The following DAP3 variants were observed in gnomAD, a reference collection of about 807,000 sequenced individuals.
DAP3 encodes small ribosomal subunit protein mS29.
Under a neutral mutation model 51.9 loss-of-function variants are expected in DAP3, and 28 were observed. The ratio of observed to expected loss-of-function variants is 0.54; its 90% CI spans 0.40 to 0.74. DAP3 has a LOEUF of 0.74. Among genes scored for constraint, DAP3 ranks in the 30% least tolerant of loss-of-function variants. DAP3 has a pLI of 0.00. For synonymous variants in DAP3, 170 were observed against 170.3 expected (o/e 1.00, Z 0.01); for missense variants, 458 against 483.5 (o/e 0.95, Z 0.49).
chr1:155,727,203 G>A (rs1658701866), intron 6 of DAP3, among the ~76,000 whole-genome samples: 1 of 152,020 alleles, frequency 6.6e-6, no homozygotes, highest in Admixed American at 6.6e-5. Flanking sequence ...AAACAACCCT[G>A]CTTATGTAAC....
intron 2 of DAP3, among the ~76,000 whole-genome samples, chr1:155,715,934 CA>C (rs967730960): frequency 6.6e-6 from 1 of 152,116 alleles, no homozygotes; most frequent in Non-Finnish European, 1.5e-5. Flanking sequence ...GCACAATTAG[CA>C]GGAAAATTGT....
At chr1:155,702,121 A>G (rs1655356799) in intron 1 of DAP3, among the ~76,000 whole-genome samples, 1 of 149,646 alleles carries the variant, frequency 6.7e-6, no homozygotes. Flanking sequence ...AAAAAAAAAA[A>G]TTAAAAATTA....
At chr1:155,725,691 C>T (rs145734270) in intron 5 of DAP3, among the ~76,000 whole-genome samples, 41 of 152,220 alleles carry the variant, frequency 2.7e-4, no homozygotes, top group African/African-American at 5.5e-4. Flanking sequence ...GGCGAAACCC[C>T]GCATTTACTA....
At position 155,721,380 on chromosome 1, in the gene DAP3, GTATATATATATGTATGTATGTA is replaced by G. The variant is rs1657989105; in HGVS notation, c.169-125_169-104del. 1.8e-5 allele frequency: 7 copies of G among 393,302 alleles called. No individual in the cohort carries two copies. The South Asian group carries it at 4.3e-4, about 24-fold the overall frequency. 24.4% of individuals were successfully genotyped at this position (393,302 alleles called of 1,614,324 possible). A position where few individuals can be genotyped will look rare whatever the true frequency, so the allele number is the denominator to read the frequency against. ...TGTGTATATATATATGTATGTATGT[GTATATATATATGTATGTATGTA>G]TATATATATATATATACACATAGAC... On this transcript the variant is annotated intron_variant, in intron 3 of 12. Transcript: ENST00000368336.
chr1:155,712,900 G>A (rs1035386824), intron 2 of DAP3, among the ~76,000 whole-genome samples: 10 of 152,068 alleles, frequency 6.6e-5, no homozygotes, highest in African/African-American at 2.2e-4. Context: ...CTTTCTCTCC[G>A]GTAGATAAAA....
At position 155,729,083 on chromosome 1, in the gene DAP3, C is replaced by G; in HGVS notation, c.645C>G (p.Ser215Arg). 1 of 1,614,018 alleles carries G rather than the reference C, an allele frequency of 6.2e-7. No individual in the cohort carries two copies. The highest frequency in any genetic ancestry group is 8.5e-7 in the Non-Finnish European group (1 of 1,180,020). ...QEKYVWNKRE[S>R]TEKGSPLGEV... ...AGTATGTCTGGAATAAGAGAGAAAG[C>G]ACTGAGAAAGGGAGTCCTCTGGGAG... The change falls in exon 8 of 13, where the codon AGC becomes AGG. Residue 215 changes from serine to arginine, a missense_variant. Physicochemically the swap from Ser to Arg is moderately radical, Grantham distance 110 (BLOSUM62 -1). Coordinates refer to ENST00000368336, the MANE Select transcript of DAP3 (RefSeq NM_004632.4).
chr1:155,709,922 T>C, intron 2 of DAP3, 98 bp downstream of exon 2: 1 of 1,178,558 alleles, frequency 8.5e-7, no homozygotes, highest in Non-Finnish European at 1.2e-6. Context: ...TGAAATGCTC[T>C]GGAAAACTTC....
chr1:155,722,338 T>G (rs999435822), intron 4 of DAP3, among the ~76,000 whole-genome samples: 7 of 152,000 alleles, frequency 4.6e-5, no homozygotes, highest in Non-Finnish European at 7.4e-5. Context: ...GCTCAGGAGG[T>G]GAGGGCTTCA....
intron 4 of DAP3, 83 bp from the exon 5 acceptor site, chr1:155,725,299 C>A: frequency 8.2e-7 from 1 of 1,219,082 alleles, no homozygotes; most frequent in Non-Finnish European, 1.2e-6. Flanking sequence ...GTCTTGGTTG[C>A]CACTTTAGGC....
At chr1:155,689,513 G>T in intron 1 of DAP3, 1 of 439,558 alleles carries the variant, frequency 2.3e-6, no homozygotes, top group Non-Finnish European at 4.6e-6. Flanking sequence ...TTCAGTTCTG[G>T]ACTCAGTTTC....
intron 1 of DAP3, among the ~76,000 whole-genome samples, chr1:155,693,383 G>A (rs545001236): frequency 7.0e-6 from 1 of 141,898 alleles, no homozygotes; most frequent in South Asian, 2.1e-4. Context: ...ACCTGAATAT[G>A]AGATTGGGCC....
intron 1 of DAP3, among the ~76,000 whole-genome samples, 185 bp from the exon 2 acceptor site, chr1:155,709,588 G>A (rs992274041): frequency 1.1e-4 from 17 of 151,842 alleles, no homozygotes; most frequent in South Asian, 4.1e-4. Context: ...TTTGTGTTTC[G>A]TTTTCTGTGA....
At chr1:155,723,337 C>T (rs1658208874) in intron 4 of DAP3, among the ~76,000 whole-genome samples, 1 of 151,398 alleles carries the variant, frequency 6.6e-6, no homozygotes, top group Non-Finnish European at 1.5e-5. Flanking sequence ...CCTGATGTGA[C>T]TTTTTTTTGA....
rs751192310 is a variant in DAP3, at chr1:155,727,691, A to G, written c.556A>G (p.Thr186Ala). The G allele has an allele frequency of 2.0e-5, 32 of 1,613,746 alleles. No individual in the cohort carries two copies. The highest frequency in any genetic ancestry group is 2.5e-5 in the Non-Finnish European group (29 of 1,179,926). The change falls in exon 7 of 13, where the codon ACC becomes GCC. Residue 186 changes from threonine to alanine, a missense_variant. Physicochemically the swap from Thr to Ala is moderately conservative, Grantham distance 58. Coordinates refer to ENST00000368336, the MANE Select transcript of DAP3 (RefSeq NM_004632.4). Reference sequence around the variant, plus strand: ...CTTTGATCAACCTTTAGAGGCTTCAACCTGGCTGAAGAATTTCAAAACTAC... The same window carrying G: ...CTTTGATCAACCTTTAGAGGCTTCAGCCTGGCTGAAGAATTTCAAAACTAC... ...QRFDQPLEAS[T>A]WLKNFKTTNE...
chr1:155,705,491 T>A (rs1249969993), intron 1 of DAP3, among the ~76,000 whole-genome samples: 1 of 150,260 alleles, frequency 6.7e-6, no homozygotes, highest in Non-Finnish European at 1.5e-5. Flanking sequence ...TATTCCCAGC[T>A]ACTTGAAAGG....
At chr1:155,700,215 A>T (rs1655007070) in intron 1 of DAP3, among the ~76,000 whole-genome samples, 1 of 152,026 alleles carries the variant, frequency 6.6e-6, no homozygotes, top group African/African-American at 2.4e-5. Context: ...GATTACAGGC[A>T]TGAGCCACTG....
chr1:155,730,064 A>G (rs1316574819), intron 9 of DAP3, among the ~76,000 whole-genome samples: 1 of 148,100 alleles, frequency 6.8e-6, no homozygotes, highest in Non-Finnish European at 1.5e-5. Flanking sequence ...ATATATGTAT[A>G]TATACACACA....
rs532784456 is a variant in DAP3, at chr1:155,737,555, C to G, written c.1111+492C>G. On this transcript the variant is annotated intron_variant, in intron 12 of 12. Coordinates refer to ENST00000368336, the MANE Select transcript of DAP3 (RefSeq NM_004632.4). ...GCATTCCAACTGTTCATTTACTTGC[C>G]CTTGACCTCACATTTGAGTATGAAG... Among the ~76,000 whole-genome samples the G allele has an allele frequency of 4.1e-4, 62 of 152,134 alleles. 1 individual carries two copies. The highest frequency in any genetic ancestry group is 3.9e-3 in the Admixed American group (60 of 15,268).
chr1:155,691,592 T>C (rs991296504), intron 1 of DAP3, among the ~76,000 whole-genome samples: 1 of 141,942 alleles, frequency 7.0e-6, no homozygotes, highest in Non-Finnish European at 1.5e-5. Flanking sequence ...TTATTTCTCT[T>C]TTATACCTGA....
Sources: allele counts gnomAD v4.1 joint callset (sites outside exome capture counted in the v4.1 genomes callset), GRCh38; gene constraint gnomAD v4.1.1; transcripts MANE v1.5; gene names NCBI Gene and HGNC (gene_info 2026-07-23, HGNC 2026-07-21).